The following C1QTNF3 variants were observed in gnomAD, a reference collection of about 807,000 sequenced individuals.
C1QTNF3 encodes the protein complement C1q tumor necrosis factor-related protein 3.
Under a neutral mutation model 32.6 loss-of-function variants are expected in C1QTNF3, and 26 were observed. That is an observed-to-expected ratio of 0.80 (90% CI 0.58 to 1.11). C1QTNF3 has a LOEUF of 1.11. Among genes scored for constraint, C1QTNF3 ranks in the 50% least tolerant of loss-of-function variants. The probability of loss-of-function intolerance (pLI) is 0.00; values close to 1 mark genes in which losing one functional copy is unlikely to be tolerated. For missense variants in C1QTNF3, 362 were observed against 398.2 expected (o/e 0.91, Z 0.77); for synonymous variants, 155 against 146.0 (o/e 1.06, Z -0.44).
At chr5:34,030,517 C>T (rs1468401199) in intron 3 of C1QTNF3, among the ~76,000 whole-genome samples, 1 of 152,162 alleles carries the variant, frequency 6.6e-6, no homozygotes, top group Non-Finnish European at 1.5e-5. Flanking sequence ...CCTCCTCTTG[C>T]CACCACTACT....
the C1QTNF3 span, among the ~76,000 whole-genome samples, chr5:34,087,410 T>C: frequency 1.3e-5 from 2 of 152,136 alleles, no homozygotes; most frequent in African/African-American, 4.8e-5. Context: ...GCCGAATATT[T>C]TATGTCAAAA....
the C1QTNF3 span, among the ~76,000 whole-genome samples, chr5:34,197,961 C>A: frequency 6.6e-6 from 1 of 150,896 alleles, no homozygotes; most frequent in African/African-American, 2.5e-5. Context: ...CCCGGCTGGG[C>A]ACGGTGGCTC....
chr5:34,056,747 G>C, the C1QTNF3 span, among the ~76,000 whole-genome samples: 3 of 151,908 alleles, frequency 2.0e-5, no homozygotes, highest in African/African-American at 4.8e-5. Flanking sequence ...CTGGGCTCAA[G>C]TGATCCTCCC....
chr5:34,041,039 T>C (rs1239362178), intron 1 of C1QTNF3, among the ~76,000 whole-genome samples: 1 of 152,158 alleles, frequency 6.6e-6, no homozygotes, highest in Non-Finnish European at 1.5e-5. Context: ...ATATTTATCT[T>C]TATATATCCC....
At chr5:34,147,750 C>T in the C1QTNF3 span, among the ~76,000 whole-genome samples, 2 of 152,208 alleles carry the variant, frequency 1.3e-5, no homozygotes, top group African/African-American at 2.4e-5. Context: ...ATGCATACCC[C>T]AAACCTCAGC....
At chr5:34,141,399 T>C in the C1QTNF3 span, among the ~76,000 whole-genome samples, 1 of 152,102 alleles carries the variant, frequency 6.6e-6, no homozygotes, top group Non-Finnish European at 1.5e-5. Flanking sequence ...ATTACAGGAG[T>C]GAGCCACCGC....
At chr5:34,065,148 G>A in the C1QTNF3 span, among the ~76,000 whole-genome samples, 15 of 152,070 alleles carry the variant, frequency 9.9e-5, no homozygotes, top group South Asian at 4.2e-4. Flanking sequence ...TGCACCCAAC[G>A]AAGGACTAAT....
chr5:34,171,730 C>T, the C1QTNF3 span, among the ~76,000 whole-genome samples: 1 of 152,036 alleles, frequency 6.6e-6, no homozygotes, highest in Non-Finnish European at 1.5e-5. Context: ...TTTCATTTAC[C>T]TTCAAGCAGG....
At chr5:34,167,685 G>A in the C1QTNF3 span, 1 of 152,112 alleles carries the variant, frequency 6.6e-6, no homozygotes, top group Non-Finnish European at 1.5e-5. Flanking sequence ...TTCTCATGAG[G>A]AACATATACA....
chr5:34,027,724 T>A (rs59131690), intron 4 of C1QTNF3, among the ~76,000 whole-genome samples: 4,372 of 30,388 alleles, frequency 0.14, 279 homozygotes, highest in African/African-American at 0.34. Context: ...ACAAAAAAAA[T>A]CCACCACCAC....
At chr5:34,056,475 T>TAGAGAGAG in the C1QTNF3 span, among the ~76,000 whole-genome samples, 1 of 101,258 alleles carries the variant, frequency 9.9e-6, no homozygotes, top group East Asian at 3.1e-4. Context: ...TATATATATA[T>TAGAGAGAG]ATATAGAGAG....
chr5:34,076,808 A>C, the C1QTNF3 span, among the ~76,000 whole-genome samples: 1 of 151,484 alleles, frequency 6.6e-6, no homozygotes, highest in African/African-American at 2.4e-5. Context: ...TCCCAATCAT[A>C]TTGGGCATTC....
the C1QTNF3 span, among the ~76,000 whole-genome samples, chr5:34,063,100 T>C: frequency 6.6e-6 from 1 of 152,142 alleles, no homozygotes; most frequent in African/African-American, 2.4e-5. Flanking sequence ...CCAGGTAGTA[T>C]TGGAGTGTTA....
chr5:34,083,509 TAAAA>T, the C1QTNF3 span, among the ~76,000 whole-genome samples: 1 of 145,538 alleles, frequency 6.9e-6, no homozygotes, highest in Non-Finnish European at 1.5e-5. Context: ...AATGAATTTG[TAAAA>T]AAAAAAAAAA....
chr5:34,204,834 CT>C, the C1QTNF3 span, among the ~76,000 whole-genome samples: 2 of 147,674 alleles, frequency 1.4e-5, no homozygotes, highest in African/African-American at 2.5e-5. Flanking sequence ...CTTTCTGGAC[CT>C]TTTTTTGATA....
chr5:34,075,781 T>C, the C1QTNF3 span, among the ~76,000 whole-genome samples: 1 of 151,374 alleles, frequency 6.6e-6, no homozygotes, highest in African/African-American at 2.5e-5. Context: ...AAAGAGATAA[T>C]TGTGCACCCA....
chr5:34,178,085 G>A, the C1QTNF3 span, among the ~76,000 whole-genome samples: 1 of 134,796 alleles, frequency 7.4e-6, no homozygotes, highest in Admixed American at 8.2e-5. Flanking sequence ...TGACCAACAT[G>A]GTGAAACCTC....
chr5:34,062,661 C>T, the C1QTNF3 span, among the ~76,000 whole-genome samples: 1 of 152,152 alleles, frequency 6.6e-6, no homozygotes, highest in African/African-American at 2.4e-5. Context: ...TCTCAATCAC[C>T]CAGGAGGAGC....
At chr5:34,228,103 A>C in the C1QTNF3 span, among the ~76,000 whole-genome samples, 3 of 151,872 alleles carry the variant, frequency 2.0e-5, no homozygotes. Context: ...TTCACTGTCC[A>C]TATCACTTTC....
Sources: gnomAD v4.1 joint callset for allele counts (sites outside exome capture counted in the v4.1 genomes callset) on GRCh38, gnomAD v4.1.1 for gene constraint, MANE v1.5 for transcripts, NCBI Gene and HGNC (gene_info 2026-07-23, HGNC 2026-07-21) for gene names.